RGS5: variants seen among roughly 807,000 people sequenced by gnomAD.
RGS5 encodes the protein regulator of G-protein signalling 5.
RGS5 carries 20 observed loss-of-function variants against 18.9 expected under a neutral mutation model. The observed-to-expected ratio is 1.06, with a 90% confidence interval of 0.74 to 1.54. The LOEUF is 1.54. RGS5 is among the 40% of genes most tolerant of loss of function. RGS5 has a pLI of 0.00. For synonymous variants in RGS5, 57 were observed against 76.2 expected (o/e 0.75, Z 1.31); for missense variants, 201 against 211.8 (o/e 0.95, Z 0.32).
chr1:163,161,759 A>G (rs1480729752), intron 3 of RGS5, 156 bp downstream of exon 3: 10 of 573,216 alleles, frequency 1.7e-5, no homozygotes, highest in Non-Finnish European at 3.1e-5. Flanking sequence ...GAACTGGATA[A>G]TCACATACCT....
chr1:163,280,608 T>C (rs1648967627), intron 2 of RGS5, among the ~76,000 whole-genome samples: 1 of 148,636 alleles, frequency 6.7e-6, no homozygotes. Context: ...AGGAAATAAA[T>C]TAAGAGCACA....
At chr1:163,279,546 C>T (rs1206589949) in intron 2 of RGS5, among the ~76,000 whole-genome samples, 2 of 151,828 alleles carry the variant, frequency 1.3e-5, no homozygotes, top group African/African-American at 4.8e-5. Flanking sequence ...AAGTTTATAG[C>T]ACTAAACAAC....
chr1:163,274,984 T>C (rs1285441912), intron 2 of RGS5, among the ~76,000 whole-genome samples: 2 of 152,214 alleles, frequency 1.3e-5, no homozygotes, highest in East Asian at 3.9e-4. Context: ...GGCATGGTAG[T>C]GCACACCTGC....
chr1:163,156,135 G>A (rs1440458317), intron 3 of RGS5, among the ~76,000 whole-genome samples: 1 of 152,168 alleles, frequency 6.6e-6, no homozygotes, highest in Non-Finnish European at 1.5e-5. Context: ...TGAAGTCATT[G>A]ATAGTTGATA....
Position 163,146,934 on chromosome 1 carries a change from C to G in RGS5, c.*408G>C, listed in dbSNP as rs1195614845. On this transcript the variant is annotated 3_prime_UTR_variant, in exon 5 of 5. Coordinates refer to ENST00000313961, the MANE Select transcript of RGS5 (RefSeq NM_003617.4). ...GGATCAGAACTAAAACAAGTGAGAT[C>G]AATTAAGCTCCTTTGAAATAGGTCT... 6.5e-6 allele frequency: 1 copy of G among 153,360 alleles called. No individual in the cohort carries two copies. The highest frequency in any genetic ancestry group is 6.5e-5 in the Admixed American group (1 of 15,298). 9.5% of individuals were successfully genotyped at this position (153,360 alleles called of 1,614,324 possible). A position where few individuals can be genotyped will look rare whatever the true frequency, so the allele number is the denominator to read the frequency against.
chr1:163,168,219 C>G, intron 2 of RGS5, 39 bp downstream of exon 2: 1 of 1,453,698 alleles, frequency 6.9e-7, no homozygotes, highest in Non-Finnish European at 9.7e-7. Flanking sequence ...AATAGCCATC[C>G]TCTGGAGGAA....
intron 2 of RGS5, among the ~76,000 whole-genome samples, chr1:163,247,658 T>G (rs2101695943): frequency 6.6e-6 from 1 of 151,744 alleles, no homozygotes; most frequent in South Asian, 2.1e-4. Context: ...CTTTTTGATA[T>G]ATAATTTATA....
intron 2 of RGS5, among the ~76,000 whole-genome samples, chr1:163,227,201 C>A (rs1026251163): frequency 1.3e-5 from 2 of 152,198 alleles, no homozygotes; most frequent in Non-Finnish European, 2.9e-5. Context: ...GATGGCTTTC[C>A]ATCTTGCTGA....
chr1:163,217,370 A>G (rs1660242834), intron 1 of RGS5, among the ~76,000 whole-genome samples: 1 of 152,226 alleles, frequency 6.6e-6, no homozygotes, highest in Non-Finnish European at 1.5e-5. Context: ...CCTGAAAGAC[A>G]TCAGCATTGG....
intron 3 of RGS5, among the ~76,000 whole-genome samples, chr1:163,153,214 A>G (rs1657447111): frequency 6.6e-6 from 1 of 152,294 alleles, no homozygotes; most frequent in East Asian, 1.9e-4. Context: ...TTGTTTAACT[A>G]TTATGTCCCA....
intron 4 of RGS5, among the ~76,000 whole-genome samples, chr1:163,147,918 C>CTTTTTTTTCTTTTTTTTTTTTTTTTT (rs3065035): frequency 6.3e-4 from 49 of 78,084 alleles, no homozygotes; most frequent in East Asian, 1.2e-3. Flanking sequence ...TTTTCTTTTT[C>CTTTTTTTTCTTTTTTTTTTTTTTTTT]TTTTTTTTTT....
chr1:163,143,432 C>A lies in RGS5; in HGVS notation c.*3910G>T, dbSNP rs1657002191. 1 of 152,128 alleles carries A rather than the reference C, an allele frequency of 6.6e-6. No homozygotes were observed. Among genetic ancestry groups the A allele is most frequent in the South Asian group, 2.1e-4 (1 of 4,824 alleles). The allele number at this position is 152,128 out of a possible 1,614,324, so 9.4% of individuals were successfully genotyped here. On this transcript the variant is annotated 3_prime_UTR_variant, in exon 5 of 5. Transcript: ENST00000313961. Reference sequence around the variant, plus strand: ...GCAAGCCAGATATGGACAGGAAACCCTCAATATTTATTCATTTTTCTAGTC... The same window carrying A: ...GCAAGCCAGATATGGACAGGAAACCATCAATATTTATTCATTTTTCTAGTC...
At chr1:163,240,687 T>C (rs1200149960) in intron 2 of RGS5, among the ~76,000 whole-genome samples, 2 of 152,104 alleles carry the variant, frequency 1.3e-5, no homozygotes, top group African/African-American at 4.8e-5. Flanking sequence ...TGGCTAATTT[T>C]TAAACGTTTT....
chr1:163,150,170 A>G (rs1657316764), intron 4 of RGS5, among the ~76,000 whole-genome samples: 1 of 152,144 alleles, frequency 6.6e-6, no homozygotes, highest in African/African-American at 2.4e-5. Flanking sequence ...ACTCTTGCAT[A>G]AGCATAGATC....
chr1:163,154,872 T>C (rs1268811018), intron 3 of RGS5, among the ~76,000 whole-genome samples: 1 of 149,420 alleles, frequency 6.7e-6, no homozygotes, highest in African/African-American at 2.4e-5. Context: ...TTAGTCTATA[T>C]AGATATAGAT....
chr1:163,219,965 A>AT (rs543855752), upstream of RGS5, among the ~76,000 whole-genome samples: 232 of 152,228 alleles, frequency 1.5e-3, no homozygotes, highest in Non-Finnish European at 3.0e-3. Flanking sequence ...TGGAGTATAT[A>AT]TTTGGTTTCT....
intron 2 of RGS5, among the ~76,000 whole-genome samples, chr1:163,225,466 C>G (rs1647313018): frequency 6.6e-6 from 1 of 152,096 alleles, no homozygotes; most frequent in South Asian, 2.1e-4. Context: ...AAAATATTGA[C>G]CTTCTGGCTG....
Position 163,147,445 on chromosome 1 carries a change from A to G in RGS5, c.443T>C (p.Leu148Pro). The change falls in exon 5 of 5, where the codon CTG (leucine) becomes CCG (proline). Residue 148 changes from leucine (L) to proline (P), a missense_variant. By Grantham distance (98) the Leu-to-Pro change is moderately conservative (BLOSUM62 -3). Transcript: ENST00000313961. ...ITMKNLVEPSLSSFDMAQKRI... is the reference protein window; with the variant it reads ...ITMKNLVEPSPSSFDMAQKRI... ...TTTCTGGGCCATGTCAAAGCTGCTC[A>G]GGGAAGGTTCCACCAGGTTCTTCAT... The G allele has an allele frequency of 6.2e-7, 1 of 1,612,684 alleles. No individual in the cohort carries two copies. Among genetic ancestry groups the G allele is most frequent in the Non-Finnish European group, 8.5e-7 (1 of 1,179,272 alleles).
upstream of RGS5, among the ~76,000 whole-genome samples, chr1:163,204,493 A>G (rs1384832254): frequency 6.6e-6 from 1 of 151,704 alleles, no homozygotes; most frequent in Non-Finnish European, 1.5e-5. Context: ...GGGACTAAAG[A>G]CTCTTGCTAC....
Sources: allele counts gnomAD v4.1 joint callset (sites outside exome capture counted in the v4.1 genomes callset), GRCh38; gene constraint gnomAD v4.1.1; transcripts MANE v1.5; gene names NCBI Gene and HGNC (gene_info 2026-07-23, HGNC 2026-07-21).